CACNA2D3: variants seen among roughly 807,000 people sequenced by gnomAD.
CACNA2D3 encodes the protein calcium voltage-gated channel auxiliary subunit alpha2delta 3.
In CACNA2D3, 60 loss-of-function variants were observed where a neutral mutation model predicts 160.6. The observed-to-expected ratio is 0.37, with a 90% CI of 0.30 to 0.46. CACNA2D3 has a LOEUF of 0.46. Among genes scored for constraint, CACNA2D3 ranks in the 20% least tolerant of loss-of-function variants. The pLI is 1.00. For synonymous variants in CACNA2D3, 558 were observed against 492.9 expected (o/e 1.13, Z -1.75); for missense variants, 1,205 against 1,365.0 (o/e 0.88, Z 1.85).
intron 4 of CACNA2D3, among the ~76,000 whole-genome samples, chr3:54,453,422 G>T (rs1033506491): frequency 1.3e-5 from 2 of 152,102 alleles, no homozygotes; most frequent in African/African-American, 2.4e-5. Context: ...GGTACCTGTG[G>T]GTAGGACTTC....
chr3:54,277,232 G>A (rs113581049), intron 2 of CACNA2D3, among the ~76,000 whole-genome samples: 23,206 of 152,168 alleles, frequency 0.15, 2,137 homozygotes, highest in South Asian at 0.21. Context: ...TATTGCCTAG[G>A]TTTTCTTCTA....
intron 3 of CACNA2D3, among the ~76,000 whole-genome samples, chr3:54,368,985 G>C (rs1300434847): frequency 6.6e-6 from 1 of 151,972 alleles, no homozygotes; most frequent in African/African-American, 2.4e-5. Context: ...ACAGGTGTGA[G>C]CCACTGCGTC....
chr3:54,280,714 C>T, intron 2 of CACNA2D3, among the ~76,000 whole-genome samples: 1 of 152,148 alleles, frequency 6.6e-6, no homozygotes, highest in Non-Finnish European at 1.5e-5. Context: ...TCTCTTGTGC[C>T]CTTTGATCTC....
chr3:54,438,399 C>T (rs1465737083), intron 4 of CACNA2D3, among the ~76,000 whole-genome samples: 1 of 152,228 alleles, frequency 6.6e-6, no homozygotes. Flanking sequence ...ATAAGGACCA[C>T]GAAGACTTTT....
intron 5 of CACNA2D3, among the ~76,000 whole-genome samples, chr3:54,551,943 G>A (rs765524877): frequency 7.2e-5 from 11 of 152,202 alleles, no homozygotes; most frequent in Non-Finnish European, 1.5e-4. Context: ...TAGTGATGGC[G>A]AAGTATCATG....
At chr3:54,353,780 G>C (rs1204512653) in intron 3 of CACNA2D3, among the ~76,000 whole-genome samples, 1 of 152,092 alleles carries the variant, frequency 6.6e-6, no homozygotes, top group Non-Finnish European at 1.5e-5. Context: ...TGCAGACTTG[G>C]GCTTCTTGCC....
chr3:54,509,674 T>G (rs539118801), intron 5 of CACNA2D3, among the ~76,000 whole-genome samples: 1 of 152,236 alleles, frequency 6.6e-6, no homozygotes, highest in African/African-American at 2.4e-5. Flanking sequence ...GAACCCCTAT[T>G]CCAGCAATAT....
At chr3:55,053,122 T>C (rs1413030166) in intron 35 of CACNA2D3, among the ~76,000 whole-genome samples, 1 of 152,062 alleles carries the variant, frequency 6.6e-6, no homozygotes, top group African/African-American at 2.4e-5. Flanking sequence ...TAAAAATTTG[T>C]TTCTTCCTCT....
chr3:54,714,109 A>AT (rs1438733707), intron 11 of CACNA2D3, among the ~76,000 whole-genome samples: 4 of 152,146 alleles, frequency 2.6e-5, no homozygotes, highest in Non-Finnish European at 5.9e-5. Context: ...CACAGGAGTT[A>AT]TATCTTGTCT....
intron 4 of CACNA2D3, among the ~76,000 whole-genome samples, chr3:54,424,068 T>TTTTG (rs757573816): frequency 3.3e-5 from 5 of 151,972 alleles, no homozygotes; most frequent in African/African-American, 4.8e-5. Context: ...TTTTCCGGGT[T>TTTTG]TTTGTTTGTT....
intron 2 of CACNA2D3, among the ~76,000 whole-genome samples, chr3:54,171,936 T>C (rs986986186): frequency 3.3e-5 from 5 of 152,224 alleles, no homozygotes; most frequent in African/African-American, 9.6e-5. Context: ...TTTCCTCAAC[T>C]GGAGCCTACA....
At chr3:54,709,924 CTAAAAT>C (rs1700925245) in intron 11 of CACNA2D3, among the ~76,000 whole-genome samples, 2 of 152,116 alleles carry the variant, frequency 1.3e-5, no homozygotes, top group Admixed American at 1.3e-4. Flanking sequence ...GACCCTGTCT[CTAAAAT>C]AAAAATAAAA....
Position 54,335,535 on chromosome 3 carries a change from C to T in CACNA2D3, c.321+14977C>T, listed in dbSNP as rs145468605. 3.3e-3 allele frequency among the ~76,000 whole-genome samples: 500 copies of T among 152,210 alleles called. 7 individuals carry two copies. Among genetic ancestry groups the T allele is most frequent in the African/African-American group, 0.011 (466 of 41,522 alleles). ...GACGACCAGAGGTCACTCTCGTTGC[C>T]GTTTTGGTTTTGGTGGGTTTTGGCC... On this transcript the variant is annotated intron_variant, in intron 3 of 37. Coordinates refer to ENST00000474759, the MANE Select transcript of CACNA2D3 (RefSeq NM_018398.3).
At chr3:54,794,919 G>A (rs561044428) in intron 13 of CACNA2D3, among the ~76,000 whole-genome samples, 1 of 152,082 alleles carries the variant, frequency 6.6e-6, no homozygotes, top group African/African-American at 2.4e-5. Flanking sequence ...TAACCTTCTT[G>A]GATTGGTGGG....
intron 11 of CACNA2D3, among the ~76,000 whole-genome samples, chr3:54,662,685 T>A (rs1232416742): frequency 2.6e-5 from 4 of 152,238 alleles, no homozygotes; most frequent in Non-Finnish European, 4.4e-5. Flanking sequence ...CTGCGCTTGC[T>A]TCTCTCCTGG....
At chr3:54,124,534 TA>T (rs1460620554) in intron 2 of CACNA2D3, among the ~76,000 whole-genome samples, 1 of 152,224 alleles carries the variant, frequency 6.6e-6, no homozygotes, top group African/African-American at 2.4e-5. Context: ...AGTTAACTTT[TA>T]AACATTTTAA....
chr3:54,822,789 TC>T (rs33948183), intron 14 of CACNA2D3, among the ~76,000 whole-genome samples: 14,078 of 66,086 alleles, frequency 0.21, 1,135 homozygotes, highest in East Asian at 0.23. Flanking sequence ...TTTCTTTCTT[TC>T]CTTTCTTTCT....
At chr3:55,059,972 G>A (rs934778596) in intron 35 of CACNA2D3, among the ~76,000 whole-genome samples, 1 of 152,000 alleles carries the variant, frequency 6.6e-6, no homozygotes, top group African/African-American at 2.4e-5. Context: ...CTGAGGTTTG[G>A]GGTTTATATG....
At chr3:54,987,046 T>G (rs1439307547) in intron 30 of CACNA2D3, among the ~76,000 whole-genome samples, 2 of 152,188 alleles carry the variant, frequency 1.3e-5, no homozygotes, top group African/African-American at 4.8e-5. Context: ...TCGAATGACC[T>G]TAAGACAGCC....
Sources: gnomAD v4.1 joint callset for allele counts (sites outside exome capture counted in the v4.1 genomes callset) on GRCh38, gnomAD v4.1.1 for gene constraint, MANE v1.5 for transcripts, NCBI Gene and HGNC (gene_info 2026-07-23, HGNC 2026-07-21) for gene names.